PPM1L: variants seen among roughly 807,000 people sequenced by gnomAD.
PPM1L encodes the protein protein phosphatase, Mg2+/Mn2+ dependent 1L.
In PPM1L, 13 loss-of-function variants were observed where a neutral mutation model predicts 31.4. The observed-to-expected ratio is 0.41, with a 90% CI of 0.27 to 0.66. The LOEUF is 0.66. PPM1L is among the 30% of genes least tolerant of loss of function. The pLI is 0.29. For synonymous variants in PPM1L, 184 were observed against 175.4 expected (o/e 1.05, Z -0.39); for missense variants, 326 against 453.7 (o/e 0.72, Z 2.56).
chr3:160,982,313 G>T (rs1716827912), intron 2 of PPM1L, among the ~76,000 whole-genome samples: 1 of 152,050 alleles, frequency 6.6e-6, no homozygotes, highest in South Asian at 2.1e-4. Context: ...CACTGTGCCT[G>T]GGCATCTCGA....
At chr3:160,794,424 C>T (rs111736778) in intron 1 of PPM1L, among the ~76,000 whole-genome samples, 29 of 152,130 alleles carry the variant, frequency 1.9e-4, no homozygotes, top group African/African-American at 5.3e-4. Flanking sequence ...TCCAGTCATA[C>T]GCAAATAACA....
chr3:160,759,704 A>G (rs544151560), intron 1 of PPM1L, among the ~76,000 whole-genome samples: 2 of 152,278 alleles, frequency 1.3e-5, no homozygotes, highest in East Asian at 1.9e-4. Flanking sequence ...GAGGAGGGAC[A>G]TTTAAATCAG....
chr3:161,045,760 A>G (rs962128907), intron 2 of PPM1L, among the ~76,000 whole-genome samples: 13 of 152,296 alleles, frequency 8.5e-5, no homozygotes, highest in Middle Eastern at 3.4e-3. Flanking sequence ...AAGGCAAGAA[A>G]TAACTAAGAT....
At chr3:161,037,412 C>CTTTTTTTT (rs59883046) in intron 2 of PPM1L, among the ~76,000 whole-genome samples, 1 of 99,488 alleles carries the variant, frequency 1.0e-5, no homozygotes. Flanking sequence ...CCTACTTGAG[C>CTTTTTTTT]TTTTTTTTTT....
In PPM1L at chr3:161,073,367, T is replaced by C. The variant is rs1196911392; in HGVS notation, c.*4210T>C. The C allele has an allele frequency of 2.0e-5, 3 of 152,322 alleles. No individual in the cohort carries two copies. The highest frequency in any genetic ancestry group is 1.9e-4 in the East Asian group (1 of 5,184). The allele number at this position is 152,322 out of a possible 1,614,324, so 9.4% of individuals were successfully genotyped here. A position where few individuals can be genotyped will look rare whatever the true frequency, so the allele number is the denominator to read the frequency against. Reference sequence around the variant, plus strand: ...AAGAACACCCTTTGGGAAATTCTGGTATATTGAAATATTGCTGTGTTTTCA... The same window carrying C: ...AAGAACACCCTTTGGGAAATTCTGGCATATTGAAATATTGCTGTGTTTTCA... On this transcript the variant is annotated 3_prime_UTR_variant, in exon 4 of 4. Coordinates refer to ENST00000498165, the MANE Select transcript of PPM1L (RefSeq NM_139245.4).
At chr3:161,049,293 C>CCAAAA (rs1161488648) in intron 2 of PPM1L, among the ~76,000 whole-genome samples, 3 of 151,396 alleles carry the variant, frequency 2.0e-5, no homozygotes, top group Non-Finnish European at 4.4e-5. Flanking sequence ...AAAAACCAAA[C>CCAAAA]CAAAACAAAA....
At chr3:160,766,569 C>T (rs1034597476) in intron 1 of PPM1L, among the ~76,000 whole-genome samples, 11 of 152,244 alleles carry the variant, frequency 7.2e-5, no homozygotes, top group Non-Finnish European at 1.3e-4. Context: ...TTGTAAGTTT[C>T]CTGAGGCCTC....
At chr3:160,937,332 T>C (rs567284890) in intron 1 of PPM1L, among the ~76,000 whole-genome samples, 1 of 152,134 alleles carries the variant, frequency 6.6e-6, no homozygotes, top group South Asian at 2.1e-4. Flanking sequence ...TACAAAACCA[T>C]GTAAGAGGCC....
chr3:161,003,415 TAAATTACCTTGG>T (rs1472711250), intron 2 of PPM1L, among the ~76,000 whole-genome samples: 1 of 151,952 alleles, frequency 6.6e-6, no homozygotes, highest in African/African-American at 2.4e-5. Flanking sequence ...GTTGAATCTA[TAAATTACCTTGG>T]GCAGTATAGC....
chr3:160,927,884 G>T (rs1396021405), intron 1 of PPM1L, among the ~76,000 whole-genome samples: 2 of 152,090 alleles, frequency 1.3e-5, no homozygotes, highest in African/African-American at 4.8e-5. Context: ...GGCACATAGT[G>T]TGTAGTAGGT....
chr3:160,925,635 A>T (rs1396410940), intron 1 of PPM1L, among the ~76,000 whole-genome samples: 1 of 152,208 alleles, frequency 6.6e-6, no homozygotes, highest in African/African-American at 2.4e-5. Context: ...AAGGATGAAA[A>T]TAACTCTACC....
intron 1 of PPM1L, among the ~76,000 whole-genome samples, chr3:160,894,225 AG>A (rs548339922): frequency 1.3e-5 from 2 of 152,336 alleles, no homozygotes; most frequent in South Asian, 2.1e-4. Context: ...CTTACAATTT[AG>A]ATGTAGATTT....
At chr3:160,816,919 A>T (rs1713013807) in intron 1 of PPM1L, among the ~76,000 whole-genome samples, 1 of 152,056 alleles carries the variant, frequency 6.6e-6, no homozygotes, top group Non-Finnish European at 1.5e-5. Flanking sequence ...TTTGTTGGTA[A>T]TTATTGATTA....
rs578255639 is a variant in PPM1L, at chr3:160,956,681, G to A, written c.400-5055G>A. Among the ~76,000 whole-genome samples, 46 of 152,338 alleles carry A rather than the reference G, an allele frequency of 3.0e-4. 1 individual carries two copies. The South Asian group carries it at 5.8e-3, about 19-fold the overall frequency. ...GAAACACATAATTTGCCATTTTGGC[G>A]TGTGAATTATGATTGGGTTTGAGCT... On this transcript the variant is annotated intron_variant, in intron 1 of 3. Coordinates refer to ENST00000498165, the MANE Select transcript of PPM1L (RefSeq NM_139245.4).
intron 2 of PPM1L, among the ~76,000 whole-genome samples, chr3:161,035,416 G>A (rs1300950980): frequency 1.3e-5 from 2 of 152,182 alleles, no homozygotes; most frequent in Non-Finnish European, 2.9e-5. Context: ...TTTGAGATAA[G>A]TAACCATTGC....
intron 2 of PPM1L, among the ~76,000 whole-genome samples, chr3:161,049,388 T>G (rs1256320660): frequency 6.6e-6 from 1 of 152,232 alleles, no homozygotes; most frequent in Admixed American, 6.5e-5. Context: ...TCGAGCATTT[T>G]GGATTTTGGA....
At chr3:161,035,329 C>A (rs1425448177) in intron 2 of PPM1L, among the ~76,000 whole-genome samples, 1 of 152,116 alleles carries the variant, frequency 6.6e-6, no homozygotes, top group African/African-American at 2.4e-5. Context: ...GTGCTCAAGC[C>A]TGATGTAAAA....
chr3:160,805,053 G>A (rs1045838953), intron 1 of PPM1L, among the ~76,000 whole-genome samples: 7 of 152,188 alleles, frequency 4.6e-5, no homozygotes, highest in African/African-American at 1.7e-4. Flanking sequence ...TGCCCTGCTT[G>A]GGAAGCTGGC....
chr3:160,996,404 C>A (rs1283826820), intron 2 of PPM1L, among the ~76,000 whole-genome samples: 8 of 152,162 alleles, frequency 5.3e-5, no homozygotes, highest in Admixed American at 4.6e-4. Flanking sequence ...GTCCATCATT[C>A]AACGAGTGGA....
Sources: allele counts gnomAD v4.1 joint callset (sites outside exome capture counted in the v4.1 genomes callset), GRCh38; gene constraint gnomAD v4.1.1; transcripts MANE v1.5; gene names NCBI Gene and HGNC (gene_info 2026-07-23, HGNC 2026-07-21).